RAB4B: variants seen among roughly 807,000 people sequenced by gnomAD.
The protein encoded by RAB4B is ras-related protein Rab-4B.
A neutral mutation model predicts 28.3 loss-of-function variants in RAB4B; 15 were observed. The observed-to-expected ratio is 0.53, with a 90% CI of 0.35 to 0.82. The LOEUF (loss-of-function observed/expected upper bound fraction) is 0.82. Ranked by LOEUF, RAB4B falls within the 40% of genes least tolerant of loss-of-function variation. The probability of loss-of-function intolerance (pLI) is 0.01; values close to 1 mark genes in which losing one functional copy is unlikely to be tolerated. For missense variants in RAB4B, 244 were observed against 288.5 expected (o/e 0.85, Z 1.12); for synonymous variants, 108 against 116.3 (o/e 0.93, Z 0.46).
intron 1 of RAB4B, among the ~76,000 whole-genome samples, 194 bp downstream of exon 1, chr19:40,778,585 G>T (rs1479077615): frequency 6.6e-6 from 1 of 152,176 alleles, no homozygotes; most frequent in Non-Finnish European, 1.5e-5. Context: ...AGGGTCTGGT[G>T]CGTGGGTTAA....
At chr19:40,790,636 G>A (rs2145059350) in intron 7 of RAB4B, among the ~76,000 whole-genome samples, 1 of 145,174 alleles carries the variant, frequency 6.9e-6, no homozygotes, top group African/African-American at 2.5e-5. Flanking sequence ...GCCTCCCAAA[G>A]TGCTGGGATT....
chr19:40,780,133 G>A (rs2083032953), intron 2 of RAB4B, 34 bp downstream of exon 2: 1 of 1,611,674 alleles, frequency 6.2e-7, no homozygotes, highest in South Asian at 1.1e-5. Context: ...GGAACCCTGA[G>A]CTGTGTTTAT....
chr19:40,790,587 A>G (rs1359557431), intron 7 of RAB4B, among the ~76,000 whole-genome samples: 1 of 147,856 alleles, frequency 6.8e-6, no homozygotes, highest in Non-Finnish European at 1.5e-5. Context: ...GTTAGCCAGG[A>G]TGGTCTCGAT....
chr19:40,790,837 A>G (rs1036918182), intron 7 of RAB4B, among the ~76,000 whole-genome samples: 3 of 147,036 alleles, frequency 2.0e-5, no homozygotes, highest in African/African-American at 7.5e-5. Context: ...ATGTACTGCC[A>G]CAACCAGCTA....
At chr19:40,791,434 G>T (rs1489728579) in intron 7 of RAB4B, among the ~76,000 whole-genome samples, 1 of 152,070 alleles carries the variant, frequency 6.6e-6, no homozygotes, top group African/African-American at 2.4e-5. Flanking sequence ...CCTCTGCAGG[G>T]ACTGGCCCCT....
At position 40,786,467 on chromosome 19, in the gene RAB4B, G is replaced by A; in HGVS notation, c.431-198G>A. ...ACTTCTTGGAGGAGGAGCTGTGTGA[G>A]CTGAGCTCTGAAGGAAGAGCTGGGT... is the stretch of plus-strand genomic sequence containing the variant. On this transcript the variant is annotated intron_variant, in intron 5 of 7. Coordinates refer to ENST00000357052, the MANE Select transcript of RAB4B (RefSeq NM_016154.5). The A allele has an allele frequency of 4.2e-6, 3 of 720,630 alleles. No homozygotes were observed. In the East Asian group the frequency reaches 9.8e-5, roughly 23 times the overall value. The allele number at this position is 720,630 out of a possible 1,614,324, so 44.6% of individuals were successfully genotyped here. A position where few individuals can be genotyped will look rare whatever the true frequency, so the allele number is the denominator to read the frequency against.
intron 1 of RAB4B, 55 bp downstream of exon 1, chr19:40,778,446 C>T: frequency 2.1e-6 from 3 of 1,398,448 alleles, no homozygotes; most frequent in South Asian, 1.6e-5. Context: ...GAGGATGCGG[C>T]CTGTGGGAAT....
At chr19:40,785,090 G>A (rs1437444826) in intron 5 of RAB4B, among the ~76,000 whole-genome samples, 2 of 152,054 alleles carry the variant, frequency 1.3e-5, no homozygotes, top group Non-Finnish European at 1.5e-5. Flanking sequence ...TGGGATTACA[G>A]GCGTGAGACA....
At chr19:40,784,934 C>T (rs1258384164) in intron 5 of RAB4B, among the ~76,000 whole-genome samples, 1 of 151,302 alleles carries the variant, frequency 6.6e-6, no homozygotes, top group Non-Finnish European at 1.5e-5. Context: ...TCTGCCTCAG[C>T]CTCCCGAGTA....
intron 5 of RAB4B, among the ~76,000 whole-genome samples, chr19:40,784,587 A>AGTGGGATCACAGTGT (rs1399092090): frequency 6.6e-6 from 1 of 152,168 alleles, no homozygotes; most frequent in Non-Finnish European, 1.5e-5. Context: ...TCATCTGGAA[A>AGTGGGATCACAGTGT]GTGGGATCAC....
chr19:40,782,264 A>C (rs2083056435), intron 3 of RAB4B, among the ~76,000 whole-genome samples: 1 of 152,142 alleles, frequency 6.6e-6, no homozygotes, highest in Non-Finnish European at 1.5e-5. Flanking sequence ...ATGCTGTGGA[A>C]TGATTGCATG....
In RAB4B at chr19:40,796,613, G is replaced by A. The variant is rs2083212144; in HGVS notation, c.*59G>A. ...CCAGCCCTGCTGGGGCCCAGGCCCAGGCTCTGAGAGGCCGTGTCCTAACCT... is the reference window on the plus strand; with the variant it reads ...CCAGCCCTGCTGGGGCCCAGGCCCAAGCTCTGAGAGGCCGTGTCCTAACCT... On this transcript the variant is annotated 3_prime_UTR_variant, in exon 8 of 8. Coordinates refer to ENST00000357052, the MANE Select transcript of RAB4B (RefSeq NM_016154.5). 6.6e-6 allele frequency: 1 copy of A among 152,666 alleles called. No homozygotes were observed. The highest frequency in any genetic ancestry group is 2.4e-5 in the African/African-American group (1 of 41,460). 9.5% of individuals were successfully genotyped at this position (152,666 alleles called of 1,614,324 possible). A position where few individuals can be genotyped will look rare whatever the true frequency, so the allele number is the denominator to read the frequency against.
chr19:40,796,492 G>A (rs1025124393), intron 7 of RAB4B, 78 bp from the exon 8 acceptor site: 5 of 152,396 alleles, frequency 3.3e-5, no homozygotes, highest in African/African-American at 1.2e-4. Context: ...GGAGGGGAAG[G>A]AAATACCTGG....
chr19:40,795,915 C>T lies in RAB4B; in HGVS notation c.*16-655C>T, dbSNP rs370447057. ...GGAGATGAGGTTTCTCCATGTTGGT[C>T]AGGCTGGTCTGGAACTCCCGACTTC... On this transcript the variant is annotated intron_variant, in intron 7 of 7. Transcript: ENST00000357052. 4.0e-5 allele frequency among the ~76,000 whole-genome samples: 6 copies of T among 150,846 alleles called. 1 individual carries two copies. The South Asian group carries it at 6.3e-4, about 16-fold the overall frequency.
At chr19:40,789,863 G>A (rs1366992923) in intron 7 of RAB4B, among the ~76,000 whole-genome samples, 1 of 152,214 alleles carries the variant, frequency 6.6e-6, no homozygotes, top group Non-Finnish European at 1.5e-5. Flanking sequence ...TTGAGTGAAG[G>A]AAGGGAGATA....
intron 7 of RAB4B, among the ~76,000 whole-genome samples, chr19:40,795,074 CAGG>C (rs2083196866): frequency 6.8e-6 from 1 of 146,422 alleles, no homozygotes; most frequent in Admixed American, 7.0e-5. Context: ...GAGGCTGAGG[CAGG>C]AGAATGGCGT....
chr19:40,779,775 C>A, intron 1 of RAB4B: 1 of 989,316 alleles, frequency 1.0e-6, no homozygotes, highest in Non-Finnish European at 1.4e-6. Context: ...AAAAAAACCC[C>A]TGCACATGTA....
At chr19:40,779,743 T>G in intron 1 of RAB4B, 1 of 675,320 alleles carries the variant, frequency 1.5e-6, no homozygotes, top group South Asian at 2.6e-5. Context: ...AAACTCTGTC[T>G]CAAAAAAACA....
chr19:40,788,780 G>A (rs545776799), intron 7 of RAB4B, among the ~76,000 whole-genome samples: 1 of 125,990 alleles, frequency 7.9e-6, no homozygotes, highest in East Asian at 2.2e-4. Context: ...TAGAGACAGG[G>A]TTTCTTTTTT....
Sources: allele counts gnomAD v4.1 joint callset (sites outside exome capture counted in the v4.1 genomes callset), GRCh38; gene constraint gnomAD v4.1.1; transcripts MANE v1.5; gene names NCBI Gene and HGNC (gene_info 2026-07-23, HGNC 2026-07-21).